The following GRM7 variants were observed in gnomAD, a reference collection of about 807,000 sequenced individuals.
The protein encoded by GRM7 is glutamate metabotropic receptor 7.
A neutral mutation model predicts 84.5 loss-of-function variants in GRM7; 35 were observed. The observed-to-expected ratio is 0.41, with a 90% CI of 0.32 to 0.55. GRM7 has a LOEUF of 0.55. GRM7 is among the 20% of genes least tolerant of loss of function. The pLI, the probability that GRM7 is intolerant of heterozygous loss-of-function variation, is 0.19. For missense variants in GRM7, 1,003 were observed against 1,194.6 expected, an observed-to-expected ratio of 0.84 and a Z score of 2.36; for synonymous variants, 487 against 455.1, an observed-to-expected ratio of 1.07 and a Z score of -0.89.
chr3:7,626,012 C>G (rs1413761832), intron 8 of GRM7, among the ~76,000 whole-genome samples: 3 of 152,058 alleles, frequency 2.0e-5, no homozygotes, highest in African/African-American at 7.2e-5. Context: ...GGAGCTGTTT[C>G]AAAAACATGG....
At chr3:7,618,189 C>T (rs1697196562) in intron 8 of GRM7, among the ~76,000 whole-genome samples, 1 of 152,238 alleles carries the variant, frequency 6.6e-6, no homozygotes, top group South Asian at 2.1e-4. Context: ...AAAACTCCTC[C>T]TGCATAAAGA....
rs945853454 is a variant in GRM7, at chr3:7,099,913, ATAT to A, written c.520-46536_520-46534del. Among the ~76,000 whole-genome samples, 77 of 75,680 alleles carry A rather than the reference ATAT, an allele frequency of 1.0e-3. 11 individuals carry two copies. The highest frequency in any genetic ancestry group is 3.9e-3 in the African/African-American group (47 of 11,968). The allele number at this position is 75,680 out of a possible 152,430, so 49.6% of individuals were successfully genotyped here. A position where few individuals can be genotyped will look rare whatever the true frequency, so the allele number is the denominator to read the frequency against. On this transcript the variant is annotated intron_variant, in intron 1 of 9. Coordinates refer to ENST00000357716, the MANE Select transcript of GRM7 (RefSeq NM_000844.4). ...TATATACATAGATTATACATATATA[ATAT>A]TAATATATTATATATATTATGATAT... is the stretch of plus-strand genomic sequence containing the variant.
chr3:7,479,938 A>G (rs1001379925), intron 7 of GRM7, among the ~76,000 whole-genome samples: 2 of 152,236 alleles, frequency 1.3e-5, no homozygotes, highest in African/African-American at 4.8e-5. Flanking sequence ...CTACTGTGGC[A>G]ACTTATATGA....
intron 1 of GRM7, among the ~76,000 whole-genome samples, chr3:7,134,909 A>T (rs1693723056): frequency 6.6e-6 from 1 of 152,206 alleles, no homozygotes; most frequent in African/African-American, 2.4e-5. Flanking sequence ...ATTATTTTAA[A>T]CATATGCTAT....
In GRM7 at chr3:7,393,462, G is replaced by A. The variant is rs143760194; in HGVS notation, c.1034-21561G>A. 3.0e-3 allele frequency among the ~76,000 whole-genome samples: 459 copies of A among 152,254 alleles called. 2 individuals are homozygous for A. The highest frequency in any genetic ancestry group is 0.01 in the African/African-American group (421 of 41,552). ...TCTCTCACTGTTTCCCTGTGTCCAG[G>A]GGTCTCTCCCAGGTCTCAAATCGGT... is the stretch of plus-strand genomic sequence containing the variant. On this transcript the variant is annotated intron_variant, in intron 4 of 9. Transcript: ENST00000357716.
chr3:7,367,740 C>T (rs1454994743), intron 4 of GRM7, among the ~76,000 whole-genome samples: 2 of 151,356 alleles, frequency 1.3e-5, no homozygotes, highest in African/African-American at 4.8e-5. Context: ...AAAGGAAAAA[C>T]TAGTACTGAC....
intron 1 of GRM7, among the ~76,000 whole-genome samples, chr3:7,101,168 A>G (rs1338783920): frequency 6.6e-6 from 1 of 151,752 alleles, no homozygotes; most frequent in Non-Finnish European, 1.5e-5. Context: ...ACTTTATTAA[A>G]AACTCCCAAA....
chr3:7,680,421 G>A (rs1233531418), intron 9 of GRM7, 126 bp downstream of exon 9: 1 of 885,326 alleles, frequency 1.1e-6, no homozygotes, highest in East Asian at 2.5e-5. Context: ...GGTTGCCTTG[G>A]TGAATGCCAG....
At chr3:7,473,384 G>A (rs921519416) in intron 7 of GRM7, among the ~76,000 whole-genome samples, 7 of 151,986 alleles carry the variant, frequency 4.6e-5, no homozygotes, top group Non-Finnish European at 7.4e-5. Flanking sequence ...GGCTGGGCAG[G>A]AAGATCCTTT....
intron 1 of GRM7, among the ~76,000 whole-genome samples, chr3:6,876,711 C>T (rs1695318604): frequency 6.7e-6 from 1 of 149,992 alleles, no homozygotes; most frequent in Admixed American, 6.8e-5. Context: ...AGACGATTCT[C>T]TTGCCTCAGC....
chr3:7,316,040 G>A (rs1700570447), intron 4 of GRM7, among the ~76,000 whole-genome samples: 1 of 152,066 alleles, frequency 6.6e-6, no homozygotes, highest in Non-Finnish European at 1.5e-5. Context: ...TAAGTGATTT[G>A]AATAAATAAA....
chr3:7,025,561 G>T (rs747251822), intron 1 of GRM7, among the ~76,000 whole-genome samples: 6 of 152,108 alleles, frequency 3.9e-5, no homozygotes, highest in African/African-American at 1.4e-4. Flanking sequence ...CTCTGTAAAG[G>T]CTGGGACATC....
chr3:7,690,890 A>G lies in GRM7; in HGVS notation c.2698+10595A>G, dbSNP rs960330320. ...TGATACCAAATATCATTTGTATTTA[A>G]AAAACACTGTGTATCCTAAACCAAG... On this transcript the variant is annotated intron_variant, in intron 9 of 9. Transcript: ENST00000357716. 5 of 250,378 alleles carry G rather than the reference A, an allele frequency of 2.0e-5. No individual in the cohort carries two copies. In the Admixed American group the frequency reaches 2.6e-4, roughly 13 times the overall value. 15.5% of individuals were successfully genotyped at this position (250,378 alleles called of 1,614,324 possible).
chr3:7,697,268 CT>C (rs1302623645), intron 9 of GRM7, among the ~76,000 whole-genome samples: 2 of 152,040 alleles, frequency 1.3e-5, no homozygotes, highest in Admixed American at 1.3e-4. Flanking sequence ...TCAACTTGCC[CT>C]TATGTAACAT....
chr3:7,394,906 C>T (rs892826537), intron 4 of GRM7, among the ~76,000 whole-genome samples: 6 of 151,906 alleles, frequency 3.9e-5, no homozygotes, highest in Non-Finnish European at 8.8e-5. Context: ...GGCGTGGTGG[C>T]GGGCACCCAT....
chr3:7,338,422 A>G (rs1210632943), intron 4 of GRM7, among the ~76,000 whole-genome samples: 2 of 152,074 alleles, frequency 1.3e-5, no homozygotes, highest in African/African-American at 4.8e-5. Context: ...GGGTATACTA[A>G]AATCTCAGAA....
At chr3:7,388,201 G>A (rs1694859754) in intron 4 of GRM7, among the ~76,000 whole-genome samples, 1 of 152,096 alleles carries the variant, frequency 6.6e-6, no homozygotes, top group Admixed American at 6.6e-5. Context: ...ACAGTCTTAA[G>A]GGTTTTCTAG....
At chr3:7,551,776 T>C (rs1444770197) in intron 7 of GRM7, among the ~76,000 whole-genome samples, 1 of 152,152 alleles carries the variant, frequency 6.6e-6, no homozygotes. Flanking sequence ...ATTATCACAG[T>C]GCCTGGTACA....
At chr3:6,959,510 G>T (rs887232220) in intron 1 of GRM7, among the ~76,000 whole-genome samples, 3 of 152,044 alleles carry the variant, frequency 2.0e-5, no homozygotes, top group Non-Finnish European at 4.4e-5. Context: ...ATTACCCTTT[G>T]TGATGCTCTG....
Sources: gnomAD v4.1 joint callset for allele counts (sites outside exome capture counted in the v4.1 genomes callset) on GRCh38, gnomAD v4.1.1 for gene constraint, MANE v1.5 for transcripts, NCBI Gene and HGNC (gene_info 2026-07-23, HGNC 2026-07-21) for gene names.